The following BICRA variants were observed in gnomAD, a reference collection of about 807,000 sequenced individuals.
BICRA encodes the protein BRD4 interacting chromatin remodeling complex associated protein, also known as BRD4-interacting chromatin-remodeling complex-associated protein.
A neutral mutation model predicts 96.9 loss-of-function variants in BICRA; 31 were observed. The ratio of observed to expected loss-of-function variants is 0.32; its 90% CI spans 0.24 to 0.43. The LOEUF (loss-of-function observed/expected upper bound fraction) is 0.43, where lower values mean the gene tolerates loss of function less well. Among genes scored for constraint, BICRA ranks in the 20% least tolerant of loss-of-function variants. The probability of loss-of-function intolerance (pLI) is 1.00; values close to 1 mark genes in which losing one functional copy is unlikely to be tolerated. For missense variants in BICRA, 2,283 were observed against 2,190.3 expected (o/e 1.04, Z -0.84); for synonymous variants, 1,350 against 1,071.8 (o/e 1.26, Z -5.07).
At chr19:47,673,784 G>C (rs377382503) in intron 4 of BICRA, 22 bp downstream of exon 4, 70 of 1,602,570 alleles carry the variant, frequency 4.4e-5, no homozygotes, top group Non-Finnish European at 5.9e-5. Flanking sequence ...CGCAGGGAGA[G>C]GCATTCCCTG....
At chr19:47,646,512 T>C (rs1349526179) in intron 1 of BICRA, among the ~76,000 whole-genome samples, 1 of 152,212 alleles carries the variant, frequency 6.6e-6, no homozygotes, top group Non-Finnish European at 1.5e-5. Context: ...GTTTTACTTT[T>C]TGAGCCTTAG....
At chr19:47,683,625 C>T (rs1377245819) in intron 7 of BICRA, among the ~76,000 whole-genome samples, 1 of 150,248 alleles carries the variant, frequency 6.7e-6, no homozygotes, top group African/African-American at 2.4e-5. Context: ...CGCTCTGTTG[C>T]CCAGGCTGGA....
chr19:47,693,771 G>A (rs1973277339), intron 7 of BICRA, among the ~76,000 whole-genome samples: 1 of 152,150 alleles, frequency 6.6e-6, no homozygotes, highest in South Asian at 2.1e-4. Flanking sequence ...CACTGCCTCT[G>A]CTTCCTCTGC....
At chr19:47,615,228 C>T (rs1022616098) in intron 1 of BICRA, among the ~76,000 whole-genome samples, 13 of 152,220 alleles carry the variant, frequency 8.5e-5, no homozygotes, top group African/African-American at 3.1e-4. Context: ...GCACTCCTCC[C>T]GCCTTGGCCT....
At chr19:47,617,090 AGTGCT>A (rs113119367) in intron 1 of BICRA, among the ~76,000 whole-genome samples, 130,288 of 151,334 alleles carry the variant, frequency 0.86, 56,194 homozygotes, top group Admixed American at 0.89. Context: ...AGCTTCCCAA[AGTGCT>A]GGGATTACAA....
At chr19:47,700,815 C>A (rs1449846539) in intron 14 of BICRA, 1 of 156,044 alleles carries the variant, frequency 6.4e-6, no homozygotes, top group African/African-American at 2.4e-5. Context: ...AACAAACAAA[C>A]AAAAAACCTC....
In BICRA at chr19:47,695,402, T is replaced by G; in HGVS notation, c.3114T>G (p.Phe1038Leu). 1 of 1,561,358 alleles carries G rather than the reference T, an allele frequency of 6.4e-7. No individual in the cohort carries two copies. Among genetic ancestry groups the G allele is most frequent in the African/African-American group, 1.4e-5 (1 of 71,988 alleles). The change falls in exon 10 of 15, where the codon TTT (phenylalanine) becomes TTG (leucine). Residue 1038 changes from phenylalanine to leucine, a missense_variant. Phe to Leu is a conservative substitution (Grantham distance 22, BLOSUM62 0). Transcript: ENST00000594866. The part of the protein sequence containing the change: ...PPLLPAENKA[F>L]ASNLPTLNVA... The stretch of plus-strand genomic sequence containing the variant: ...TGCTTCCAGCCGAGAACAAGGCTTT[T>G]GCCAGCAACCTCCCGACCCTGAATG...
chr19:47,693,078 G>A (rs893608387), intron 7 of BICRA, among the ~76,000 whole-genome samples: 8 of 152,338 alleles, frequency 5.3e-5, no homozygotes, highest in Non-Finnish European at 1.2e-4. Context: ...AAATGGATGC[G>A]GGAGGCCGGC....
Position 47,696,527 on chromosome 19 carries a change from C to A in BICRA, c.3248+15C>A. The A allele has an allele frequency of 6.3e-7, 1 of 1,591,502 alleles. No homozygotes were observed. Among genetic ancestry groups the A allele is most frequent in the East Asian group, 2.3e-5 (1 of 43,664 alleles). On this transcript the variant is annotated intron_variant, in intron 11 of 14. Coordinates refer to ENST00000594866, the MANE Select transcript of BICRA (RefSeq NM_001394372.1). Reference sequence around the variant, plus strand: ...AAGGAAGCCTGGTGAGTCCACACCCCATCCTTGCATGCCTGCCCTGTACCT... The same window carrying A: ...AAGGAAGCCTGGTGAGTCCACACCCAATCCTTGCATGCCTGCCCTGTACCT...
At position 47,668,786 on chromosome 19, in the gene BICRA, C is replaced by T. The variant is rs184108462; in HGVS notation, c.-107-1657C>T. Among the ~76,000 whole-genome samples the T allele has an allele frequency of 2.2e-4, 34 of 152,160 alleles. 1 individual carries two copies. Among genetic ancestry groups the T allele is most frequent in the Admixed American group, 1.8e-3 (28 of 15,272 alleles). On this transcript the variant is annotated intron_variant, in intron 1 of 14. Coordinates refer to ENST00000594866, the MANE Select transcript of BICRA (RefSeq NM_001394372.1). ...GGATACAGGCATGAGCCACGGCGCCCGGCTGTCTTTGTGCTTCTTATTGGT... is the reference window on the plus strand; with the variant it reads ...GGATACAGGCATGAGCCACGGCGCCTGGCTGTCTTTGTGCTTCTTATTGGT...
At chr19:47,648,974 C>T (rs1425846014) in intron 1 of BICRA, among the ~76,000 whole-genome samples, 2 of 151,734 alleles carry the variant, frequency 1.3e-5, no homozygotes, top group African/African-American at 4.9e-5. Context: ...GCCTCAGCCT[C>T]ACAAGTAGCT....
intron 1 of BICRA, among the ~76,000 whole-genome samples, chr19:47,630,895 C>T (rs557770449): frequency 2.6e-5 from 4 of 152,206 alleles, no homozygotes; most frequent in Admixed American, 6.6e-5. Flanking sequence ...CACATCCTTG[C>T]CAACACTTGT....
rs901357743 is a variant in BICRA, at chr19:47,698,186, T to C, written c.3249-448T>C. Among the ~76,000 whole-genome samples the C allele has an allele frequency of 6.6e-6, 1 of 152,070 alleles. No individual in the cohort carries two copies. The highest frequency in any genetic ancestry group is 1.5e-5 in the Non-Finnish European group (1 of 68,008). On this transcript the variant is annotated intron_variant, in intron 11 of 14. Transcript: ENST00000594866. The surrounding 1 kb of genome is among the most constrained non-coding windows in gnomAD (Gnocchi z 4.8). ...CACACTGCCAACAGACAAAACCCATTGTAACATGGGCTACAAAAGCGGCCC... is the reference window on the plus strand; with the variant it reads ...CACACTGCCAACAGACAAAACCCATCGTAACATGGGCTACAAAAGCGGCCC...
chr19:47,623,024 G>GA lies in BICRA; in HGVS notation c.-108+13857dup, dbSNP rs1435300736. Among the ~76,000 whole-genome samples, 5 of 150,538 alleles carry GA rather than the reference G, an allele frequency of 3.3e-5. No homozygotes were observed. In the East Asian group the frequency reaches 9.7e-4, roughly 29 times the overall value. ...TGCACTCCAGCCTGGGTGACAGAAC[G>GA]AGAGGCCATCTCAAAAAAAAAAAAG... is the stretch of plus-strand genomic sequence containing the variant. On this transcript the variant is annotated intron_variant, in intron 1 of 14. Transcript: ENST00000594866.
chr19:47,639,063 G>A (rs1972343977), intron 1 of BICRA, among the ~76,000 whole-genome samples: 1 of 152,052 alleles, frequency 6.6e-6, no homozygotes, highest in Non-Finnish European at 1.5e-5. Context: ...GAGTGCAGTG[G>A]TGTGATCACA....
In BICRA at chr19:47,666,941, C is replaced by T. The variant is rs529677348; in HGVS notation, c.-107-3502C>T. Among the ~76,000 whole-genome samples the T allele has an allele frequency of 2.0e-5, 3 of 152,130 alleles. No individual in the cohort carries two copies. In the South Asian group the frequency reaches 6.2e-4, roughly 32 times the overall value. On this transcript the variant is annotated intron_variant, in intron 1 of 14. Transcript: ENST00000594866. ...ACACACAAATCCGAGCTGTTAAATTCTGAACACTCACATAACCACACCTTG... is the reference window on the plus strand; with the variant it reads ...ACACACAAATCCGAGCTGTTAAATTTTGAACACTCACATAACCACACCTTG...
Position 47,702,404 on chromosome 19 carries a change from T to A in BICRA, c.4672T>A (p.Leu1558Met). The stretch of plus-strand genomic sequence containing the variant: ...CAACGGTGGCCTCGGCGCCAGGACG[T>A]TGACCAGATAACACCGGGCCGCCTC... ...SHNGGLGART[L>M]TR Residue 1558 changes from leucine (L) to methionine (M), a missense_variant, in exon 15 of 15, where the codon TTG (leucine) becomes ATG (methionine). Transcript: ENST00000594866. The A allele has an allele frequency of 6.6e-7, 1 of 1,514,900 alleles. No homozygotes were observed. The highest frequency in any genetic ancestry group is 8.7e-7 in the Non-Finnish European group (1 of 1,145,590). The allele number at this position is 1,514,900 out of a possible 1,614,324, so 93.8% of individuals were successfully genotyped here.
chr19:47,629,273 G>C (rs1972185102), intron 1 of BICRA, among the ~76,000 whole-genome samples: 2 of 152,150 alleles, frequency 1.3e-5, no homozygotes, highest in Non-Finnish European at 2.9e-5. Context: ...AAAGTGCTGG[G>C]ATTACAGGCG....
At chr19:47,644,249 C>T (rs1334816257) in intron 1 of BICRA, among the ~76,000 whole-genome samples, 2 of 151,834 alleles carry the variant, frequency 1.3e-5, no homozygotes, top group Non-Finnish European at 2.9e-5. Flanking sequence ...AACTCTTAGC[C>T]CTTAGCCTCA....
Sources: gnomAD v4.1 joint callset for allele counts (sites outside exome capture counted in the v4.1 genomes callset) on GRCh38, gnomAD v4.1.1 for gene constraint, Gnocchi (gnomAD v3.1) non-coding constraint, MANE v1.5 for transcripts, NCBI Gene and HGNC (gene_info 2026-07-23, HGNC 2026-07-21) for gene names.